WDR72: variants seen among roughly 807,000 people sequenced by gnomAD.
The protein encoded by WDR72 is WD repeat-containing protein 72.
In WDR72, 120 loss-of-function variants were observed where a neutral mutation model predicts 124.2. That is an observed-to-expected ratio of 0.97 (90% CI 0.83 to 1.12). WDR72 has a LOEUF of 1.12. Among genes scored for constraint, WDR72 ranks in the 50% most tolerant of loss-of-function variants. The pLI, the probability that WDR72 is intolerant of heterozygous loss-of-function variation, is 0.00. For synonymous variants in WDR72, 452 were observed against 441.7 expected, an observed-to-expected ratio of 1.02 and a Z score of -0.29; for missense variants, 1,387 against 1,278.8, an observed-to-expected ratio of 1.08 and a Z score of -1.29.
chr15:53,672,191 A>G (rs1595836807), intron 13 of WDR72, among the ~76,000 whole-genome samples: 1 of 152,136 alleles, frequency 6.6e-6, no homozygotes, highest in African/African-American at 2.4e-5. Flanking sequence ...TGTTTCTATT[A>G]CGGTAAAGGC....
intron 18 of WDR72, among the ~76,000 whole-genome samples, chr15:53,592,677 T>C (rs924537877): frequency 3.3e-5 from 5 of 152,096 alleles, no homozygotes; most frequent in Admixed American, 1.3e-4. Context: ...AGCCAATAAT[T>C]CCAAGGTGAC....
chr15:53,513,893 G>C lies in WDR72; in HGVS notation c.*3806C>G, dbSNP rs953040382. The C allele has an allele frequency of 6.6e-6, 1 of 152,184 alleles. No individual in the cohort carries two copies. Among genetic ancestry groups the C allele is most frequent in the Non-Finnish European group, 1.5e-5 (1 of 68,040 alleles). The allele number at this position is 152,184 out of a possible 1,614,324, so 9.4% of individuals were successfully genotyped here. On this transcript the variant is annotated 3_prime_UTR_variant, in exon 20 of 20. Coordinates refer to ENST00000360509, the MANE Select transcript of WDR72 (RefSeq NM_182758.4). ...TTGTACTAGGACAGGCCTCCCATTAGACACATGCTGTCTTCCAGGGGTCCC... is the reference window on the plus strand; with the variant it reads ...TTGTACTAGGACAGGCCTCCCATTACACACATGCTGTCTTCCAGGGGTCCC...
chr15:53,719,264 T>C (rs758725070), intron 3 of WDR72, among the ~76,000 whole-genome samples: 2 of 152,190 alleles, frequency 1.3e-5, no homozygotes, highest in Non-Finnish European at 2.9e-5. Context: ...TCTTTTATTA[T>C]ACTTTCATTT....
At chr15:53,687,233 G>A (rs1228941960) in intron 13 of WDR72, among the ~76,000 whole-genome samples, 4 of 148,462 alleles carry the variant, frequency 2.7e-5, no homozygotes, top group African/African-American at 1.0e-4. Context: ...GAAGGAAATA[G>A]AGACACAAAA....
Position 53,705,366 on chromosome 15 carries a change from T to C in WDR72, c.1103-133A>G, listed in dbSNP as rs2017320938. On this transcript the variant is annotated intron_variant, in intron 10 of 19. Coordinates refer to ENST00000360509, the MANE Select transcript of WDR72 (RefSeq NM_182758.4). ...CTATCCCAGATTCATATTGCCAGCA[T>C]TCATCTCTTGGGAAGTTCAATTGAT... The C allele has an allele frequency of 1.1e-5, 9 of 802,082 alleles. No homozygotes were observed. In the South Asian group the frequency reaches 1.4e-4, roughly 12 times the overall value. 49.7% of individuals were successfully genotyped at this position (802,082 alleles called of 1,614,324 possible). A position where few individuals can be genotyped will look rare whatever the true frequency, so the allele number is the denominator to read the frequency against.
chr15:53,655,716 T>C (rs551781114), intron 14 of WDR72, among the ~76,000 whole-genome samples: 2 of 152,038 alleles, frequency 1.3e-5, no homozygotes, highest in African/African-American at 2.4e-5. Context: ...AGTTTTTTTT[T>C]TTGAGATGGA....
intron 18 of WDR72, among the ~76,000 whole-genome samples, chr15:53,573,202 C>G (rs757630959): frequency 6.6e-6 from 1 of 152,114 alleles, no homozygotes; most frequent in Non-Finnish European, 1.5e-5. Flanking sequence ...TCCAAATGAC[C>G]TCCCTAAATG....
chr15:53,553,786 A>G (rs998673157), intron 18 of WDR72, among the ~76,000 whole-genome samples: 3 of 152,150 alleles, frequency 2.0e-5, no homozygotes, highest in Non-Finnish European at 1.5e-5. Flanking sequence ...CTATATGGAT[A>G]TTTGTGACAT....
chr15:53,555,965 A>C (rs1299079201), intron 18 of WDR72, among the ~76,000 whole-genome samples: 4 of 152,160 alleles, frequency 2.6e-5, no homozygotes, highest in Non-Finnish European at 5.9e-5. Flanking sequence ...GTGTTTCTAC[A>C]TTATTATTCT....
At chr15:53,748,050 G>C (rs79368376) in intron 1 of WDR72, among the ~76,000 whole-genome samples, 52 of 151,000 alleles carry the variant, frequency 3.4e-4, no homozygotes, top group Admixed American at 1.3e-3. Context: ...CCATTCTTAA[G>C]TAAATTCAAC....
At chr15:53,612,385 A>C (rs1015456212) in intron 16 of WDR72, among the ~76,000 whole-genome samples, 2 of 152,080 alleles carry the variant, frequency 1.3e-5, no homozygotes, top group African/African-American at 4.8e-5. Context: ...AGAACAGTAC[A>C]ACAGCGAAAG....
intron 18 of WDR72, among the ~76,000 whole-genome samples, chr15:53,567,320 A>T (rs145231156): frequency 6.8e-4 from 104 of 152,160 alleles, no homozygotes; most frequent in African/African-American, 2.5e-3. Flanking sequence ...TATGTAGTTC[A>T]TACAATAGAT....
intron 18 of WDR72, among the ~76,000 whole-genome samples, chr15:53,529,137 G>C (rs1892289322): frequency 9.3e-6 from 1 of 107,218 alleles, no homozygotes; most frequent in Admixed American, 9.6e-5. Flanking sequence ...ATTCCACACT[G>C]TTTAGCCCAT....
At chr15:53,746,900 G>A (rs1472194971) in intron 1 of WDR72, among the ~76,000 whole-genome samples, 1 of 152,206 alleles carries the variant, frequency 6.6e-6, no homozygotes, top group Non-Finnish European at 1.5e-5. Context: ...GGACAGCAGA[G>A]TAAAGTGGCT....
chr15:53,732,950 G>A (rs1245119692), intron 2 of WDR72, 47 bp downstream of exon 2: 22 of 1,611,332 alleles, frequency 1.4e-5, no homozygotes, highest in South Asian at 6.6e-5. Flanking sequence ...CAAGTTGTCC[G>A]TATTTTGTGA....
chr15:53,520,629 G>C lies in WDR72; in HGVS notation c.3253+2589C>G, dbSNP rs192013472. Among the ~76,000 whole-genome samples the C allele has an allele frequency of 1.2e-4, 19 of 152,080 alleles. No homozygotes were observed. In the East Asian group the frequency reaches 3.3e-3, roughly 26 times the overall value. ...CAAATTTGTTTCTTCTTCTGACTGA[G>C]GTAGTTAATATTTTCCAGAGAAACA... On this transcript the variant is annotated intron_variant, in intron 19 of 19. Transcript: ENST00000360509.
intron 18 of WDR72, among the ~76,000 whole-genome samples, chr15:53,580,235 T>C (rs2011842810): frequency 6.6e-6 from 1 of 152,058 alleles, no homozygotes; most frequent in Admixed American, 6.6e-5. Context: ...AATTTAAGCC[T>C]AAAATCTAAA....
At chr15:53,531,625 T>C (rs147196990) in intron 18 of WDR72, among the ~76,000 whole-genome samples, 169 of 152,094 alleles carry the variant, frequency 1.1e-3, no homozygotes, top group African/African-American at 3.8e-3. Context: ...AAATAAAGGA[T>C]AGGAGAAACA....
At chr15:53,713,788 A>T (rs2017623181) in intron 6 of WDR72, among the ~76,000 whole-genome samples, 1 of 152,144 alleles carries the variant, frequency 6.6e-6, no homozygotes, top group African/African-American at 2.4e-5. Context: ...CAGAAAAAAA[A>T]TGAACAAAGT....
Sources: allele counts gnomAD v4.1 joint callset (sites outside exome capture counted in the v4.1 genomes callset), GRCh38; gene constraint gnomAD v4.1.1; transcripts MANE v1.5; gene names NCBI Gene and HGNC (gene_info 2026-07-23, HGNC 2026-07-21).